The following ATP6V1B2 variants were observed in gnomAD, a reference collection of about 807,000 sequenced individuals.
ATP6V1B2 encodes the protein ATPase H+ transporting V1 subunit B2.
ATP6V1B2 carries 23 observed loss-of-function variants against 66.7 expected under a neutral mutation model. The ratio of observed to expected loss-of-function variants is 0.34; its 90% confidence interval spans 0.25 to 0.49. The LOEUF (loss-of-function observed/expected upper bound fraction) is 0.49, where lower values mean the gene tolerates loss of function less well. Among genes scored for constraint, ATP6V1B2 ranks in the 20% least tolerant of loss-of-function variants. ATP6V1B2 has a pLI of 0.99. For synonymous variants in ATP6V1B2, 278 were observed against 236.7 expected, an observed-to-expected ratio of 1.17 and a Z score of -1.60; for missense variants, 478 against 650.8, an observed-to-expected ratio of 0.73 and a Z score of 2.89.
chr8:20,199,604 G>GTTTTTT lies in ATP6V1B2; in HGVS notation c.136+2079_136+2084dup, dbSNP rs11356003. On this transcript the variant is annotated intron_variant, in intron 1 of 13. Transcript: ENST00000276390. ...TTGATTAACCTCTTAATTTTTGTGG[G>GTTTTTT]TTTTTTTTTTTTTTTTTTTTTTGAG... Among the ~76,000 whole-genome samples, 7 of 87,594 alleles carry GTTTTTT rather than the reference G, an allele frequency of 8.0e-5. 1 individual carries two copies. Among genetic ancestry groups the GTTTTTT allele is most frequent in the Admixed American group, 1.6e-4 (1 of 6,360 alleles). The allele number at this position is 87,594 out of a possible 152,430, so 57.5% of individuals were successfully genotyped here.
Position 20,210,549 on chromosome 8 carries a change from GTCT to G in ATP6V1B2, c.386-15_386-13del. ...TGAAAGTCAGCATCTACTCTGTCCT[GTCT>G]TCTTACTGATTTCTAGGTCGGGTAT... On this transcript the variant is annotated splice_polypyrimidine_tract_variant and intron_variant, in intron 4 of 13. Coordinates refer to ENST00000276390, the MANE Select transcript of ATP6V1B2 (RefSeq NM_001693.4). The G allele has an allele frequency of 1.9e-6, 3 of 1,612,884 alleles. No individual in the cohort carries two copies. Among genetic ancestry groups the G allele is most frequent in the Non-Finnish European group, 2.5e-6 (3 of 1,179,010 alleles).
At chr8:20,210,744 A>G (rs764712214) in intron 5 of ATP6V1B2, 98 bp downstream of exon 5, 1 of 925,468 alleles carries the variant, frequency 1.1e-6, no homozygotes, top group African/African-American at 1.6e-5. Context: ...ATATCACTTA[A>G]AGTAGATAGG....
chr8:20,219,365 A>G (rs1466804122), intron 13 of ATP6V1B2, among the ~76,000 whole-genome samples: 1 of 152,024 alleles, frequency 6.6e-6, no homozygotes, highest in Non-Finnish European at 1.5e-5. Context: ...GGGTAAATAT[A>G]TTACTAATTT....
intron 1 of ATP6V1B2, 62 bp from the exon 2 acceptor site, chr8:20,204,422 G>C: frequency 6.9e-7 from 1 of 1,446,972 alleles, no homozygotes; most frequent in Non-Finnish European, 9.7e-7. Context: ...GGTAATGCCA[G>C]AGAGCTAATT....
chr8:20,197,552 A>G lies in ATP6V1B2; in HGVS notation c.136+10A>G. On this transcript the variant is annotated intron_variant, in intron 1 of 13. Coordinates refer to ENST00000276390, the MANE Select transcript of ATP6V1B2 (RefSeq NM_001693.4). ...TCCCAGCCTCGCCTCAGTGAGTATC[A>G]GAGAGTAATACGTCTCCGGTCTTTG... 7.3e-7 allele frequency: 1 copy of G among 1,375,520 alleles called. No individual in the cohort carries two copies. Among genetic ancestry groups the G allele is most frequent in the South Asian group, 1.9e-5 (1 of 53,840 alleles). 85.2% of individuals were successfully genotyped at this position (1,375,520 alleles called of 1,614,324 possible). A position where few individuals can be genotyped will look rare whatever the true frequency, so the allele number is the denominator to read the frequency against.
chr8:20,219,336 T>A (rs1459616322), intron 13 of ATP6V1B2, among the ~76,000 whole-genome samples: 2 of 152,122 alleles, frequency 1.3e-5, no homozygotes, highest in African/African-American at 2.4e-5. Context: ...TCTTCTTGAC[T>A]CTTTGTGTGC....
chr8:20,211,045 T>G, intron 5 of ATP6V1B2, 132 bp from the exon 6 acceptor site: 1 of 1,177,998 alleles, frequency 8.5e-7, no homozygotes. Flanking sequence ...ATTTTTTTTG[T>G]AGTAAAGAGA....
At chr8:20,216,535 C>T (rs901473207) in intron 11 of ATP6V1B2, 40 bp downstream of exon 11, 2 of 1,550,700 alleles carry the variant, frequency 1.3e-6, no homozygotes, top group African/African-American at 2.7e-5. Flanking sequence ...TGCAGACCTG[C>T]TCATCCGTTA....
chr8:20,204,083 G>A, intron 1 of ATP6V1B2: 1 of 447,836 alleles, frequency 2.2e-6, no homozygotes, highest in South Asian at 1.6e-5. Context: ...TTCTCCCTGA[G>A]GTGAGAACTA....
chr8:20,211,944 C>T (rs1054765844), intron 7 of ATP6V1B2, among the ~76,000 whole-genome samples, 158 bp from the exon 8 acceptor site: 1 of 152,008 alleles, frequency 6.6e-6, no homozygotes, highest in African/African-American at 2.4e-5. Flanking sequence ...TTGTTTGTGC[C>T]CCAAACCGGC....
intron 9 of ATP6V1B2, 179 bp downstream of exon 9, chr8:20,213,084 T>C: frequency 1.4e-6 from 1 of 740,680 alleles, no homozygotes. Context: ...GTAGAAGTGA[T>C]TAGAGGTTAA....
rs187071273 is a variant in ATP6V1B2 at position 20,198,648 on chromosome 8, C to T, written c.136+1106C>T. Among the ~76,000 whole-genome samples, 18 of 152,296 alleles carry T rather than the reference C, an allele frequency of 1.2e-4. No homozygotes were observed. In the East Asian group the frequency reaches 2.5e-3, roughly 21 times the overall value. ...TGGTTAATTGCCAGAGTGTCTGTCT[C>T]TAGGTGGCCGACTGATTAAAAAGGA... On this transcript the variant is annotated intron_variant, in intron 1 of 13. Coordinates refer to ENST00000276390, the MANE Select transcript of ATP6V1B2 (RefSeq NM_001693.4).
intron 1 of ATP6V1B2, chr8:20,203,938 T>C (rs2072712297): frequency 2.2e-6 from 1 of 453,992 alleles, no homozygotes; most frequent in South Asian, 1.6e-5. Context: ...CACCATTTAA[T>C]TGTGGCTTTT....
chr8:20,220,555 C>A lies in ATP6V1B2; in HGVS notation c.*153C>A. The stretch of plus-strand genomic sequence containing the variant: ...TAGGTAACATATTGTGCCAGTGTTG[C>A]AACGTTTTAAACTGCTAACAGACCT... On this transcript the variant is annotated 3_prime_UTR_variant, in exon 14 of 14. Transcript: ENST00000276390. The A allele has an allele frequency of 5.2e-6, 6 of 1,151,144 alleles. No homozygotes were observed. The highest frequency in any genetic ancestry group is 6.9e-6 in the Non-Finnish European group (6 of 864,816). 71.3% of individuals were successfully genotyped at this position (1,151,144 alleles called of 1,614,324 possible). A position where few individuals can be genotyped will look rare whatever the true frequency, so the allele number is the denominator to read the frequency against.
chr8:20,216,867 A>AT (rs1487136879), intron 11 of ATP6V1B2: 7 of 250,748 alleles, frequency 2.8e-5, no homozygotes, highest in East Asian at 8.3e-5. Context: ...ATTATTGTTA[A>AT]TTTTTTTTAT....
chr8:20,198,568 A>G (rs2072652134), intron 1 of ATP6V1B2, among the ~76,000 whole-genome samples: 1 of 152,196 alleles, frequency 6.6e-6, no homozygotes, highest in Non-Finnish European at 1.5e-5. Context: ...TAGACTTTTT[A>G]AAAAACTGGG....
rs76750405 is a variant in ATP6V1B2, at chr8:20,211,401, G to A, written c.603+85G>A. On this transcript the variant is annotated intron_variant, in intron 6 of 13. Transcript: ENST00000276390. ...ACTGTTACTGAGAAACCGAATAAAG[G>A]GTTTTCAAAATAAATACTCAGTGTT... The A allele has an allele frequency of 1.2e-5, 18 of 1,526,594 alleles. No homozygotes were observed. The Middle Eastern group carries it at 5.5e-4, about 47-fold the overall frequency. 94.6% of individuals were successfully genotyped at this position (1,526,594 alleles called of 1,614,324 possible). A position where few individuals can be genotyped will look rare whatever the true frequency, so the allele number is the denominator to read the frequency against.
intron 2 of ATP6V1B2, among the ~76,000 whole-genome samples, chr8:20,205,944 C>T (rs991731640): frequency 5.3e-5 from 8 of 152,106 alleles, no homozygotes; most frequent in African/African-American, 1.4e-4. Flanking sequence ...TGTAATTCAA[C>T]ACATTCATGG....
At chr8:20,217,633 A>C (rs1252650219) in intron 12 of ATP6V1B2, among the ~76,000 whole-genome samples, 1 of 152,194 alleles carries the variant, frequency 6.6e-6, no homozygotes, top group African/African-American at 2.4e-5. Context: ...AGTATTCCTG[A>C]AAGGCTACTC....
Sources: allele counts gnomAD v4.1 joint callset (sites outside exome capture counted in the v4.1 genomes callset), GRCh38; gene constraint gnomAD v4.1.1; transcripts MANE v1.5; gene names NCBI Gene and HGNC (gene_info 2026-07-23, HGNC 2026-07-21).